PCDH15: variants seen among roughly 807,000 people sequenced by gnomAD.
The protein encoded by PCDH15 is protocadherin related 15.
In PCDH15, 129 loss-of-function variants were observed where a neutral mutation model predicts 178.5. The ratio of observed to expected loss-of-function variants is 0.72; its 90% CI spans 0.63 to 0.84. PCDH15 has a LOEUF of 0.84. PCDH15 is among the 40% of genes least tolerant of loss of function. PCDH15 has a pLI of 0.00. For missense variants in PCDH15, 2,230 were observed against 2,099.9 expected (o/e 1.06, Z -1.21); for synonymous variants, 800 against 732.0 (o/e 1.09, Z -1.50).
At chr10:54,787,705 A>G (rs2133503532) in intron 1 of PCDH15, among the ~76,000 whole-genome samples, 1 of 152,048 alleles carries the variant, frequency 6.6e-6, no homozygotes, top group African/African-American at 2.4e-5. Flanking sequence ...CATGAACCTC[A>G]GGGCTCAAAG....
At chr10:55,016,302 G>T (rs781706262) in intron 2 of PCDH15, among the ~76,000 whole-genome samples, 2 of 151,828 alleles carry the variant, frequency 1.3e-5, no homozygotes, top group Non-Finnish European at 2.9e-5. Flanking sequence ...ACAATAAATT[G>T]CTGTTAACTG....
chr10:54,334,788 A>C (rs1246922503), intron 6 of PCDH15, among the ~76,000 whole-genome samples: 2 of 152,116 alleles, frequency 1.3e-5, no homozygotes, highest in East Asian at 3.9e-4. Flanking sequence ...TGTAATTGAG[A>C]AGTGGCGGAA....
intron 1 of PCDH15, among the ~76,000 whole-genome samples, chr10:54,700,111 T>C (rs905487560): frequency 5.9e-5 from 9 of 152,048 alleles, no homozygotes; most frequent in Non-Finnish European, 1.2e-4. Flanking sequence ...AAACTAATCT[T>C]TGGCCCCCTG....
At chr10:55,426,998 AT>A (rs201985546) in intron 2 of PCDH15, among the ~76,000 whole-genome samples, 8 of 149,016 alleles carry the variant, frequency 5.4e-5, no homozygotes, top group African/African-American at 1.5e-4. Context: ...CAGGCCATGG[AT>A]TTTTTTTTTG....
At chr10:54,453,420 C>T (rs558809150) in intron 3 of PCDH15, among the ~76,000 whole-genome samples, 62 of 151,820 alleles carry the variant, frequency 4.1e-4, no homozygotes, top group Non-Finnish European at 6.9e-4. Context: ...AACCAAACAC[C>T]GCATGTTCTC....
intron 25 of PCDH15, among the ~76,000 whole-genome samples, chr10:53,925,222 G>C (rs566189269): frequency 7.9e-4 from 120 of 152,228 alleles, no homozygotes; most frequent in Admixed American, 1.2e-3. Context: ...TCACCGCGAA[G>C]GTCTGCAGCT....
At position 54,820,098 on chromosome 10, in the gene PCDH15, C is replaced by T. The variant is rs73268270; in HGVS notation, c.-29+77352G>A. On this transcript the variant is annotated intron_variant, in intron 3 of 5. Coordinates refer to the PCDH15 transcript ENST00000458638. ...TATGTGAAAGTTTTGTTATCTTTCC[C>T]ATAGAAACCATTCCAACAATGACAA... Among the ~76,000 whole-genome samples the T allele has an allele frequency of 3.7e-3, 559 of 151,822 alleles. 1 individual carries two copies. Among genetic ancestry groups the T allele is most frequent in the African/African-American group, 0.013 (537 of 41,442 alleles).
chr10:54,536,751 GT>G (rs59661534), intron 2 of PCDH15, among the ~76,000 whole-genome samples: 63,093 of 151,858 alleles, frequency 0.42, 14,480 homozygotes, highest in East Asian at 0.67. Context: ...GAATTATTTG[GT>G]TTTTCTGTTC....
chr10:55,594,569 A>C (rs1262026124), intron 2 of PCDH15, among the ~76,000 whole-genome samples: 1 of 152,010 alleles, frequency 6.6e-6, no homozygotes, highest in African/African-American at 2.4e-5. Context: ...CAGGAAGTTG[A>C]TTTTAATCAA....
chr10:55,285,882 C>T (rs772322696), intron 1 of PCDH15, among the ~76,000 whole-genome samples: 2 of 151,958 alleles, frequency 1.3e-5, no homozygotes, highest in African/African-American at 4.8e-5. Flanking sequence ...CTGTGCCAAG[C>T]AGCTTCATTT....
In PCDH15 at chr10:55,580,668, G is replaced by A. The variant is rs1010305764; in HGVS notation, c.-156+46957C>T. Among the ~76,000 whole-genome samples, 5 of 152,124 alleles carry A rather than the reference G, an allele frequency of 3.3e-5. No homozygotes were observed. The South Asian group carries it at 8.3e-4, about 25-fold the overall frequency. The stretch of plus-strand genomic sequence containing the variant: ...ATGAGCCACAGCGCCCGGCCATTAC[G>A]ATGGCTTTTACCTGAAAAATCCTCA... On this transcript the variant is annotated intron_variant, in intron 2 of 5. Coordinates refer to the PCDH15 transcript ENST00000613346.
intron 2 of PCDH15, among the ~76,000 whole-genome samples, chr10:55,547,601 A>G (rs1038571159): frequency 6.6e-6 from 1 of 152,084 alleles, no homozygotes; most frequent in Admixed American, 6.6e-5. Flanking sequence ...AAACAAAAAA[A>G]CATTAAACAT....
chr10:53,916,843 A>G (rs2083567451), intron 25 of PCDH15, among the ~76,000 whole-genome samples: 1 of 152,158 alleles, frequency 6.6e-6, no homozygotes, highest in South Asian at 2.1e-4. Flanking sequence ...CATTAAATAC[A>G]TGGTAGCTTT....
At chr10:54,731,730 A>G (rs986302593) in intron 1 of PCDH15, among the ~76,000 whole-genome samples, 1 of 150,552 alleles carries the variant, frequency 6.6e-6, no homozygotes, top group Non-Finnish European at 1.5e-5. Context: ...TCTCACTCAT[A>G]TGTGGGAACT....
intron 2 of PCDH15, among the ~76,000 whole-genome samples, chr10:55,542,239 G>T (rs1045717063): frequency 3.3e-5 from 5 of 151,044 alleles, no homozygotes; most frequent in African/African-American, 4.8e-5. Context: ...TACAGTATAT[G>T]CCTGTATGTG....
intron 8 of PCDH15, among the ~76,000 whole-genome samples, chr10:54,276,086 A>T (rs191605857): frequency 4.9e-4 from 65 of 133,810 alleles, no homozygotes; most frequent in Admixed American, 1.1e-3. Flanking sequence ...GTATTTAAAT[A>T]AAAAAAAGAC....
chr10:54,162,134 CCTTCAGG>C (rs1160765533), intron 13 of PCDH15, among the ~76,000 whole-genome samples: 14 of 152,002 alleles, frequency 9.2e-5, no homozygotes, highest in Admixed American at 7.9e-4. Context: ...TATAGAATGC[CCTTCAGG>C]CTACTTGTTC....
At chr10:54,965,618 T>C (rs1260532301) in intron 2 of PCDH15, among the ~76,000 whole-genome samples, 3 of 130,156 alleles carry the variant, frequency 2.3e-5, no homozygotes, top group African/African-American at 7.8e-5. Context: ...CATATATATA[T>C]ATATATATAT....
intron 2 of PCDH15, among the ~76,000 whole-genome samples, chr10:55,068,534 T>A (rs1213001306): frequency 6.6e-6 from 1 of 152,148 alleles, no homozygotes; most frequent in Non-Finnish European, 1.5e-5. Flanking sequence ...TATGATTCCT[T>A]CAGCTTTGTT....
Sources: allele counts gnomAD v4.1 joint callset (sites outside exome capture counted in the v4.1 genomes callset), GRCh38; gene constraint gnomAD v4.1.1; transcripts MANE v1.5; gene names NCBI Gene and HGNC (gene_info 2026-07-23, HGNC 2026-07-21).